CSMD2: variants seen among roughly 807,000 people sequenced by gnomAD.
CSMD2 encodes the protein CUB and Sushi multiple domains 2, also known as CUB and sushi domain-containing protein 2.
In CSMD2, 130 loss-of-function variants were observed where a neutral mutation model predicts 398.5. That is an observed-to-expected ratio of 0.33 (90% CI 0.28 to 0.38). CSMD2 has a LOEUF of 0.38. Ranked by LOEUF, CSMD2 falls within the 10% of genes least tolerant of loss-of-function variation. CSMD2 has a pLI of 1.00. For missense variants in CSMD2, 3,829 were observed against 4,764.9 expected (o/e 0.80, Z 5.78); for synonymous variants, 1,828 against 1,908.5 (o/e 0.96, Z 1.10).
intron 3 of CSMD2, among the ~76,000 whole-genome samples, chr1:33,985,720 C>T (rs1430377072): frequency 6.6e-6 from 1 of 152,152 alleles, no homozygotes; most frequent in Non-Finnish European, 1.5e-5. Flanking sequence ...GATCTTGTGC[C>T]TTTGTTTTCC....
In CSMD2 at chr1:33,560,964, C is replaced by T. The variant is rs1347650783; in HGVS notation, c.8381-1491G>A. 2.0e-5 allele frequency among the ~76,000 whole-genome samples: 3 copies of T among 152,250 alleles called. No individual in the cohort carries two copies. In the East Asian group the frequency reaches 5.8e-4, roughly 29 times the overall value. ...GTTCTATTTCGTCCCAGCCTGGCAC[C>T]CTGGTCTCATGGAGTTGAACTCCCA... On this transcript the variant is annotated intron_variant, in intron 53 of 70. Transcript: ENST00000373381.
intron 3 of CSMD2, among the ~76,000 whole-genome samples, chr1:33,997,501 TG>T (rs1300981562): frequency 1.3e-5 from 2 of 152,216 alleles, no homozygotes; most frequent in African/African-American, 4.8e-5. Context: ...ATGGTGGGCC[TG>T]GCCAACAGAG....
At chr1:34,096,246 T>C (rs1659285205) in intron 1 of CSMD2, among the ~76,000 whole-genome samples, 1 of 151,906 alleles carries the variant, frequency 6.6e-6, no homozygotes, top group Non-Finnish European at 1.5e-5. Context: ...AATTAGGTAT[T>C]GATGGGACAT....
At chr1:33,792,357 C>T in intron 11 of CSMD2, 66 bp downstream of exon 11, 3 of 1,165,962 alleles carry the variant, frequency 2.6e-6, no homozygotes, top group Non-Finnish European at 3.9e-6. Context: ...CAGGACTCCA[C>T]AAACCCCACC....
intron 39 of CSMD2, 81 bp from the exon 40 acceptor site, chr1:33,614,701 C>A (rs1641271097): frequency 4.0e-6 from 3 of 754,638 alleles, no homozygotes. Flanking sequence ...AAGCTCCCTT[C>A]AAGCAGCAGT....
chr1:33,770,803 C>T (rs979352901), intron 13 of CSMD2, among the ~76,000 whole-genome samples: 4 of 152,194 alleles, frequency 2.6e-5, no homozygotes, highest in Admixed American at 1.3e-4. Flanking sequence ...ATCTTCTTTC[C>T]TTCTCAGCTG....
At chr1:33,812,295 G>T (rs981344368) in intron 9 of CSMD2, among the ~76,000 whole-genome samples, 1 of 152,196 alleles carries the variant, frequency 6.6e-6, no homozygotes, top group African/African-American at 2.4e-5. Context: ...TTATTTGCAA[G>T]GGGCTTTTGG....
In CSMD2 at chr1:33,635,481, C is replaced by G. The variant is rs1173158940; in HGVS notation, c.4970-151G>C. ...CTTGGAGAAGGCAAGTCCTGCGGAC[C>G]CTGCCCTGCCCAAGAACGTGCACCC... is the stretch of plus-strand genomic sequence containing the variant. On this transcript the variant is annotated intron_variant, in intron 30 of 70. Coordinates refer to ENST00000373381, the MANE Select transcript of CSMD2 (RefSeq NM_001281956.2). This position sits in a 1 kb window ranked among gnomAD's most constrained non-coding sequence, Gnocchi z 5.0. 7.0e-6 allele frequency: 4 copies of G among 575,346 alleles called. No individual in the cohort carries two copies. The highest frequency in any genetic ancestry group is 1.2e-5 in the Non-Finnish European group (4 of 321,454). 35.6% of individuals were successfully genotyped at this position (575,346 alleles called of 1,614,324 possible).
At chr1:34,124,305 T>G (rs1021769961) in intron 1 of CSMD2, among the ~76,000 whole-genome samples, 6 of 152,218 alleles carry the variant, frequency 3.9e-5, no homozygotes, top group African/African-American at 1.4e-4. Context: ...AATTTATGTC[T>G]GCTTGGAACT....
At chr1:33,877,176 T>G (rs1461665029) in intron 5 of CSMD2, among the ~76,000 whole-genome samples, 1 of 152,214 alleles carries the variant, frequency 6.6e-6, no homozygotes, top group Non-Finnish European at 1.5e-5. Context: ...TATCCTGTAA[T>G]GGCAGAAAGC....
intron 3 of CSMD2, among the ~76,000 whole-genome samples, chr1:33,997,013 T>C (rs1281047583): frequency 1.3e-5 from 2 of 152,220 alleles, no homozygotes; most frequent in South Asian, 4.1e-4. Context: ...TTTCTCAAGG[T>C]CATACAATGG....
intron 10 of CSMD2, chr1:33,804,638 A>G: frequency 2.8e-6 from 2 of 709,518 alleles, no homozygotes; most frequent in Non-Finnish European, 5.2e-6. Flanking sequence ...TGAATGAATG[A>G]ATGCTCATCT....
chr1:34,031,296 C>A (rs1177135913), intron 3 of CSMD2, among the ~76,000 whole-genome samples: 1 of 152,070 alleles, frequency 6.6e-6, no homozygotes, highest in African/African-American at 2.4e-5. Context: ...CTCCTGGCCT[C>A]AAGTGATTCA....
At chr1:34,078,499 C>T (rs528427685) in intron 2 of CSMD2, among the ~76,000 whole-genome samples, 84 of 152,238 alleles carry the variant, frequency 5.5e-4, no homozygotes, top group Admixed American at 1.4e-3. Flanking sequence ...CAGGAAAGGA[C>T]GTAAACAATG....
intron 2 of CSMD2, among the ~76,000 whole-genome samples, chr1:34,047,496 C>T (rs1462489839): frequency 6.6e-6 from 1 of 152,132 alleles, no homozygotes; most frequent in South Asian, 2.1e-4. Flanking sequence ...ATCTGACTTC[C>T]TATATATTTG....
chr1:33,770,696 C>T (rs1200228930), intron 13 of CSMD2, among the ~76,000 whole-genome samples: 1 of 152,198 alleles, frequency 6.6e-6, no homozygotes, highest in African/African-American at 2.4e-5. Context: ...TGTCAGCTCC[C>T]CAGAGTACCT....
At chr1:34,086,902 C>T (rs1185505075) in intron 2 of CSMD2, among the ~76,000 whole-genome samples, 7 of 152,120 alleles carry the variant, frequency 4.6e-5, no homozygotes, top group South Asian at 2.1e-4. Context: ...CACTTTTTCC[C>T]TTCCAGAACT....
intron 37 of CSMD2, 30 bp from the exon 38 acceptor site, chr1:33,617,647 G>A: frequency 6.4e-7 from 1 of 1,557,834 alleles, no homozygotes; most frequent in Non-Finnish European, 8.9e-7. Context: ...AAGGAAAGGA[G>A]AATGGACTAG....
Position 33,864,688 on chromosome 1 carries a change from C to T in CSMD2, c.921-17692G>A, listed in dbSNP as rs150203986. On this transcript the variant is annotated intron_variant, in intron 5 of 70. Transcript: ENST00000373381. ...GAACTCTACCGTAAACAATGTAATGCCAGGAAGAAGTACCGAATGTCAGCT... is the reference window on the plus strand; with the variant it reads ...GAACTCTACCGTAAACAATGTAATGTCAGGAAGAAGTACCGAATGTCAGCT... The T allele has an allele frequency of 4.5e-5, 73 of 1,613,406 alleles. 1 individual carries two copies. The highest frequency in any genetic ancestry group is 1.1e-5 in the South Asian group (1 of 91,026).
Sources: gnomAD v4.1 joint callset for allele counts (sites outside exome capture counted in the v4.1 genomes callset) on GRCh38, gnomAD v4.1.1 for gene constraint, Gnocchi (gnomAD v3.1) non-coding constraint, MANE v1.5 for transcripts, NCBI Gene and HGNC (gene_info 2026-07-23, HGNC 2026-07-21) for gene names.